Variants in CNBD1 observed in about 807,000 individuals in gnomAD.
CNBD1 encodes the protein cyclic nucleotide-binding domain-containing protein 1.
In CNBD1, 71 loss-of-function variants were observed where a neutral mutation model predicts 54.4. The observed-to-expected ratio is 1.30, with a 90% confidence interval of 1.08 to 1.59. CNBD1 has a LOEUF of 1.59. Among genes scored for constraint, CNBD1 ranks in the 40% most tolerant of loss-of-function variants. The pLI is 0.00. For missense variants in CNBD1, 659 were observed against 518.0 expected, an observed-to-expected ratio of 1.27 and a Z score of -2.64; for synonymous variants, 182 against 170.7, an observed-to-expected ratio of 1.07 and a Z score of -0.51.
chr8:87,149,650 C>A (rs1014429874), intron 4 of CNBD1, among the ~76,000 whole-genome samples: 5 of 152,018 alleles, frequency 3.3e-5, no homozygotes, highest in Non-Finnish European at 7.4e-5. Context: ...GGGGATGAGA[C>A]CCTGATCTAA....
intron 4 of CNBD1, among the ~76,000 whole-genome samples, chr8:87,159,975 T>C (rs1812821818): frequency 6.6e-6 from 1 of 151,864 alleles, no homozygotes; most frequent in Non-Finnish European, 1.5e-5. Flanking sequence ...ATACAGACAA[T>C]GACAACAAGG....
chr8:87,120,252 C>T (rs1336991391), intron 4 of CNBD1, among the ~76,000 whole-genome samples: 2 of 151,852 alleles, frequency 1.3e-5, no homozygotes, highest in Non-Finnish European at 2.9e-5. Context: ...TCTTGCTACT[C>T]GTTATTGGTC....
In CNBD1 at chr8:87,129,069, C is replaced by CAAA. The variant is rs570657716; in HGVS notation, c.432-76904_432-76902dup. 9.4e-3 allele frequency among the ~76,000 whole-genome samples: 246 copies of CAAA among 26,166 alleles called. 29 individuals carry two copies. Among genetic ancestry groups the CAAA allele is most frequent in the African/African-American group, 0.034 (219 of 6,414 alleles). 17.2% of individuals were successfully genotyped at this position (26,166 alleles called of 152,430 possible). A position where few individuals can be genotyped will look rare whatever the true frequency, so the allele number is the denominator to read the frequency against. On this transcript the variant is annotated intron_variant, in intron 4 of 10. Coordinates refer to ENST00000518476, the MANE Select transcript of CNBD1 (RefSeq NM_173538.3). ...TGAGCCACAGAGCAAGACTCTGCCT[C>CAAA]AAAAAAAAAAAAAAAAAAAAAAGAA... is the stretch of plus-strand genomic sequence containing the variant.
At chr8:87,378,920 T>C (rs1811011599) in intron 10 of CNBD1, among the ~76,000 whole-genome samples, 1 of 149,398 alleles carries the variant, frequency 6.7e-6, no homozygotes, top group Non-Finnish European at 1.5e-5. Context: ...GAAGCAATTG[T>C]GAATGGGAGT....
At chr8:87,060,152 C>T (rs1454178987) in intron 4 of CNBD1, among the ~76,000 whole-genome samples, 2 of 152,022 alleles carry the variant, frequency 1.3e-5, no homozygotes, top group Non-Finnish European at 2.9e-5. Flanking sequence ...CTAGTTAAGC[C>T]TCCAGATGAG....
chr8:86,907,851 T>C (rs10099150), intron 3 of CNBD1, among the ~76,000 whole-genome samples: 65,091 of 152,006 alleles, frequency 0.43, 14,578 homozygotes, highest in African/African-American at 0.56. Flanking sequence ...ATCCAAGAAA[T>C]TTTTAAAGGA....
chr8:87,324,398 C>T (rs1343767300), intron 8 of CNBD1, among the ~76,000 whole-genome samples: 1 of 127,232 alleles, frequency 7.9e-6, no homozygotes, highest in Non-Finnish European at 1.8e-5. Flanking sequence ...CTCCTTGTAC[C>T]TCTGATAGAA....
At chr8:87,368,713 G>C (rs1810696188) in intron 10 of CNBD1, among the ~76,000 whole-genome samples, 1 of 152,090 alleles carries the variant, frequency 6.6e-6, no homozygotes, top group East Asian at 1.9e-4. Context: ...TTAGCCAAAA[G>C]AGGGGTATTT....
intron 2 of CNBD1, among the ~76,000 whole-genome samples, chr8:87,422,957 C>T (rs199659524): frequency 0.016 from 2,382 of 150,190 alleles, 83 homozygotes; most frequent in African/African-American, 0.051. Flanking sequence ...CCTTGAGCAG[C>T]GGTTTGTAGT....
intron 4 of CNBD1, among the ~76,000 whole-genome samples, chr8:86,981,418 C>T (rs1456494830): frequency 6.6e-6 from 1 of 152,164 alleles, no homozygotes; most frequent in Non-Finnish European, 1.5e-5. Flanking sequence ...TCACAATTCT[C>T]TTATTACCCA....
At position 86,973,282 on chromosome 8, in the gene CNBD1, C is replaced by A. The variant is rs139071838; in HGVS notation, c.431+33528C>A. 2.3e-3 allele frequency among the ~76,000 whole-genome samples: 343 copies of A among 152,258 alleles called. 1 individual carries two copies. The highest frequency in any genetic ancestry group is 7.9e-3 in the African/African-American group (330 of 41,556). On this transcript the variant is annotated intron_variant, in intron 4 of 10. Transcript: ENST00000518476. ...CACTTTTCAATTTCTTCTCTGAAGT[C>A]TTTTCTGATACACTAGGTAAAAATT...
intron 6 of CNBD1, among the ~76,000 whole-genome samples, chr8:87,266,834 T>C (rs1003914684): frequency 6.6e-6 from 1 of 152,148 alleles, no homozygotes; most frequent in East Asian, 1.9e-4. Context: ...CAGTTGGTTA[T>C]ACAGACAGAA....
At chr8:87,409,655 A>T (rs946416334) in intron 2 of CNBD1, among the ~76,000 whole-genome samples, 1 of 152,120 alleles carries the variant, frequency 6.6e-6, no homozygotes, top group Non-Finnish European at 1.5e-5. Flanking sequence ...AGGGCCTAAT[A>T]AAGCTGATGA....
intron 4 of CNBD1, among the ~76,000 whole-genome samples, chr8:87,159,735 T>A (rs186853392): frequency 2.6e-5 from 4 of 152,116 alleles, no homozygotes; most frequent in African/African-American, 9.7e-5. Flanking sequence ...CTGGAAAGCA[T>A]CCTGGCTGTG....
intron 10 of CNBD1, among the ~76,000 whole-genome samples, chr8:87,369,421 T>C (rs939481728): frequency 3.3e-5 from 5 of 152,006 alleles, no homozygotes; most frequent in Admixed American, 3.3e-4. Flanking sequence ...TTATTTTTCA[T>C]GTGGAACTGA....
chr8:87,242,413 G>GAAC (rs1048127496), intron 6 of CNBD1, among the ~76,000 whole-genome samples: 1 of 152,132 alleles, frequency 6.6e-6, no homozygotes, highest in African/African-American at 2.4e-5. Context: ...TGCATAATAA[G>GAAC]AACTTTGGTA....
intron 2 of CNBD1, among the ~76,000 whole-genome samples, chr8:87,406,068 C>G (rs1030767436): frequency 1.3e-5 from 2 of 152,044 alleles, no homozygotes; most frequent in East Asian, 3.9e-4. Context: ...CAACCTAAAA[C>G]ATTACTTTGA....
intron 3 of CNBD1, among the ~76,000 whole-genome samples, chr8:86,923,489 C>T (rs925072648): frequency 6.6e-6 from 1 of 152,086 alleles, no homozygotes; most frequent in Admixed American, 6.6e-5. Flanking sequence ...GTTAATTGGT[C>T]TTAGGGTCCC....
intron 2 of CNBD1, among the ~76,000 whole-genome samples, chr8:86,901,555 A>G (rs1808932808): frequency 6.6e-6 from 1 of 152,182 alleles, no homozygotes; most frequent in Admixed American, 6.6e-5. Flanking sequence ...ATAGATAAAC[A>G]CTAAATCTCA....
Sources: gnomAD v4.1 joint callset for allele counts (sites outside exome capture counted in the v4.1 genomes callset) on GRCh38, gnomAD v4.1.1 for gene constraint, MANE v1.5 for transcripts, NCBI Gene and HGNC (gene_info 2026-07-23, HGNC 2026-07-21) for gene names.